CNTNAP2: variants seen among roughly 807,000 people sequenced by gnomAD.
CNTNAP2 encodes contactin-associated protein-like 2.
Under a neutral mutation model 155.2 loss-of-function variants are expected in CNTNAP2, and 98 were observed. The observed-to-expected ratio is 0.63, with a 90% CI of 0.54 to 0.75. The LOEUF (loss-of-function observed/expected upper bound fraction) is 0.75. Among genes scored for constraint, CNTNAP2 ranks in the 30% least tolerant of loss-of-function variants. The probability of loss-of-function intolerance (pLI) is 0.00; values close to 1 mark genes in which losing one functional copy is unlikely to be tolerated. For missense variants in CNTNAP2, 1,727 were observed against 1,688.1 expected, an observed-to-expected ratio of 1.02 and a Z score of -0.40; for synonymous variants, 651 against 631.2, an observed-to-expected ratio of 1.03 and a Z score of -0.47.
intron 9 of CNTNAP2, among the ~76,000 whole-genome samples, chr7:147,329,409 T>C (rs190574083): frequency 1.3e-5 from 2 of 152,178 alleles, no homozygotes; most frequent in Admixed American, 1.3e-4. Flanking sequence ...ATTCTTATAA[T>C]TTATAAGAAT....
intron 1 of CNTNAP2, among the ~76,000 whole-genome samples, chr7:146,287,488 A>C (rs1293434662): frequency 6.6e-6 from 1 of 152,094 alleles, no homozygotes; most frequent in Non-Finnish European, 1.5e-5. Context: ...TCCTCCCCAC[A>C]ATCCTTGTTT....
At chr7:148,137,703 A>AGGAG (rs1804986932) in intron 16 of CNTNAP2, among the ~76,000 whole-genome samples, 1 of 150,498 alleles carries the variant, frequency 6.6e-6, no homozygotes, top group South Asian at 2.1e-4. Context: ...GAAGGAAGGA[A>AGGAG]GGAAGGAAGG....
At chr7:146,683,885 G>A (rs1800548594) in intron 1 of CNTNAP2, among the ~76,000 whole-genome samples, 2 of 151,760 alleles carry the variant, frequency 1.3e-5, no homozygotes, top group African/African-American at 4.8e-5. Flanking sequence ...TAGAACTGAG[G>A]CTCTTAATGA....
intron 13 of CNTNAP2, among the ~76,000 whole-genome samples, chr7:147,863,541 C>T (rs887623024): frequency 4.6e-5 from 7 of 152,200 alleles, no homozygotes; most frequent in African/African-American, 1.7e-4. Context: ...TTTAGACTCC[C>T]ACCAACAGTG....
At chr7:146,954,986 G>T (rs1797403234) in intron 3 of CNTNAP2, among the ~76,000 whole-genome samples, 2 of 151,892 alleles carry the variant, frequency 1.3e-5, no homozygotes, top group South Asian at 4.1e-4. Flanking sequence ...CTTTTGCAGT[G>T]GGAAACAAAA....
intron 13 of CNTNAP2, among the ~76,000 whole-genome samples, chr7:147,900,603 G>GT (rs1001730814): frequency 4.6e-5 from 7 of 151,958 alleles, no homozygotes; most frequent in Admixed American, 2.6e-4. Context: ...GTTTTGGTGG[G>GT]TTTTTTGTTT....
chr7:146,870,229 G>A (rs1329571098), intron 3 of CNTNAP2, among the ~76,000 whole-genome samples: 7 of 145,978 alleles, frequency 4.8e-5, no homozygotes, highest in African/African-American at 7.6e-5. Flanking sequence ...TTTTTTGGTT[G>A]GCAGGCTATT....
chr7:146,222,740 C>CGAG, intron 1 of CNTNAP2, among the ~76,000 whole-genome samples: 1 of 150,548 alleles, frequency 6.6e-6, no homozygotes, highest in Middle Eastern at 3.2e-3. Flanking sequence ...AATGCAAGCT[C>CGAG]TGCCTCCCAG....
At chr7:147,387,371 G>A (rs1409027586) in intron 9 of CNTNAP2, among the ~76,000 whole-genome samples, 1 of 152,036 alleles carries the variant, frequency 6.6e-6, no homozygotes, top group African/African-American at 2.4e-5. Flanking sequence ...TCCTGAAATT[G>A]GATTAGTTTG....
chr7:146,401,529 C>G (rs1795713775), intron 1 of CNTNAP2, among the ~76,000 whole-genome samples: 1 of 152,110 alleles, frequency 6.6e-6, no homozygotes, highest in African/African-American at 2.4e-5. Context: ...TTCCTTGGAA[C>G]ACTTGTACTG....
chr7:146,390,700 G>A (rs1259176956), intron 1 of CNTNAP2, among the ~76,000 whole-genome samples: 7 of 147,866 alleles, frequency 4.7e-5, no homozygotes, highest in East Asian at 3.9e-4. Context: ...TCTACAAAGC[G>A]ACTCACTTAA....
At chr7:147,040,268 C>T (rs1389288232) in intron 3 of CNTNAP2, among the ~76,000 whole-genome samples, 2 of 151,974 alleles carry the variant, frequency 1.3e-5, no homozygotes, top group Non-Finnish European at 2.9e-5. Context: ...ACAATATCTG[C>T]TACATAGAAG....
At chr7:147,475,835 T>G (rs867389748) in intron 10 of CNTNAP2, among the ~76,000 whole-genome samples, 7 of 152,200 alleles carry the variant, frequency 4.6e-5, no homozygotes, top group South Asian at 2.1e-4. Context: ...TTTTCTCACA[T>G]GATAGCTGAT....
chr7:146,877,535 T>C (rs943987741), intron 3 of CNTNAP2, among the ~76,000 whole-genome samples: 3 of 151,514 alleles, frequency 2.0e-5, no homozygotes, highest in Admixed American at 1.3e-4. Flanking sequence ...AATATGTGTA[T>C]ATGTGTATAT....
chr7:146,825,624 A>G (rs1015983864), intron 2 of CNTNAP2, among the ~76,000 whole-genome samples: 1 of 152,198 alleles, frequency 6.6e-6, no homozygotes, highest in Admixed American at 6.6e-5. Context: ...TGAAATTACT[A>G]TATCATAGTC....
At position 147,562,121 on chromosome 7, in the gene CNTNAP2, T is replaced by C. The variant is rs1424255778; in HGVS notation, c.1778-17T>C. 6 of 1,613,858 alleles carry C rather than the reference T, an allele frequency of 3.7e-6. No homozygotes were observed. Among genetic ancestry groups the C allele is most frequent in the Non-Finnish European group, 5.1e-6 (6 of 1,179,772 alleles). On this transcript the variant is annotated splice_polypyrimidine_tract_variant and intron_variant, in intron 11 of 23. Transcript: ENST00000361727. ...TGTTCTGTGCTGTGCTTATGTAGGATATTTTGTTTGTTCTAGCTATCTACG... is the reference window on the plus strand; with the variant it reads ...TGTTCTGTGCTGTGCTTATGTAGGACATTTTGTTTGTTCTAGCTATCTACG...
At chr7:146,121,526 G>A (rs112931447) in intron 1 of CNTNAP2, among the ~76,000 whole-genome samples, 2,343 of 152,192 alleles carry the variant, frequency 0.015, 53 homozygotes, top group African/African-American at 0.053. Context: ...ATGTCAGTGG[G>A]ATGAAGAAAT....
intron 9 of CNTNAP2, among the ~76,000 whole-genome samples, chr7:147,328,860 A>G (rs565814768): frequency 1.2e-4 from 18 of 152,226 alleles, no homozygotes; most frequent in African/African-American, 4.3e-4. Flanking sequence ...CAGTAACTTT[A>G]CCATGATTTT....
chr7:148,209,026 A>T (rs1795499718), intron 18 of CNTNAP2, among the ~76,000 whole-genome samples: 1 of 152,128 alleles, frequency 6.6e-6, no homozygotes, highest in Non-Finnish European at 1.5e-5. Flanking sequence ...TACCATCATA[A>T]AAATGATTTT....
Sources: allele counts gnomAD v4.1 joint callset (sites outside exome capture counted in the v4.1 genomes callset), GRCh38; gene constraint gnomAD v4.1.1; transcripts MANE v1.5; gene names NCBI Gene and HGNC (gene_info 2026-07-23, HGNC 2026-07-21).